Variants in CHRFAM7A observed in about 807,000 individuals in gnomAD.
CHRFAM7A encodes CHRNA7-FAM7A fusion protein.
A neutral mutation model predicts 29.2 loss-of-function variants in CHRFAM7A; 3 were observed. The observed-to-expected ratio is 0.10, with a 90% CI of 0.05 to 0.27. The LOEUF (loss-of-function observed/expected upper bound fraction) is 0.27, where lower values mean the gene tolerates loss of function less well. CHRFAM7A is among the 10% of genes least tolerant of loss of function. CHRFAM7A has a pLI of 1.00. For synonymous variants in CHRFAM7A, 7 were observed against 135.4 expected, an observed-to-expected ratio of 0.05 and a Z score of 6.58; for missense variants, 22 against 328.0, an observed-to-expected ratio of 0.07 and a Z score of 7.21.
chr15:30,371,589 T>A (rs1371368606), intron 7 of CHRFAM7A, among the ~76,000 whole-genome samples: 1 of 149,968 alleles, frequency 6.7e-6, no homozygotes, highest in East Asian at 1.9e-4. Flanking sequence ...TGACCTTAGA[T>A]ACAACATTCA....
At chr15:30,378,030 TG>T (rs1477969169) in intron 4 of CHRFAM7A, among the ~76,000 whole-genome samples, 2 of 72,254 alleles carry the variant, frequency 2.8e-5, no homozygotes, top group African/African-American at 1.2e-4. Context: ...ATTGATACAA[TG>T]TTTTTTTAAG....
intron 5 of CHRFAM7A, among the ~76,000 whole-genome samples, chr15:30,376,355 C>G (rs1359614145): frequency 7.2e-6 from 1 of 138,144 alleles, no homozygotes; most frequent in African/African-American, 2.8e-5. Context: ...GATCAAAAAC[C>G]CCAGCTGTTC....
intron 1 of CHRFAM7A, among the ~76,000 whole-genome samples, chr15:30,389,507 C>T (rs1341769106): frequency 1.7e-4 from 1 of 5,982 alleles, no homozygotes; most frequent in African/African-American, 3.6e-4. Context: ...CTCAGCTCAC[C>T]GCAACCTCCG....
At chr15:30,375,756 A>G (rs1427607045) in intron 5 of CHRFAM7A, among the ~76,000 whole-genome samples, 1 of 133,996 alleles carries the variant, frequency 7.5e-6, no homozygotes, top group East Asian at 2.3e-4. Context: ...TGTGGGTGGT[A>G]TATTTGTGTG....
Position 30,374,534 on chromosome 15 carries a change from G to A in CHRFAM7A, c.161-1389C>T, listed in dbSNP as rs1192850880. 4.1e-5 allele frequency among the ~76,000 whole-genome samples: 6 copies of A among 145,758 alleles called. 2 individuals are homozygous for A. Among genetic ancestry groups the A allele is most frequent in the East Asian group, 4.0e-4 (2 of 4,950 alleles). On this transcript the variant is annotated intron_variant, in intron 5 of 9. Transcript: ENST00000299847. ...TGTAACTTCATGAGCCCATTTCTAC[G>A]AAATAATGGCCCGAGACAGAGAATT...
At chr15:30,367,577 C>G (rs1471695609) in intron 8 of CHRFAM7A, 50 bp from the exon 9 acceptor site, 1 of 1,574,260 alleles carries the variant, frequency 6.4e-7, no homozygotes, top group African/African-American at 1.4e-5. Flanking sequence ...TGTGGCACTG[C>G]ACGTCACAGG....
At position 30,371,172 on chromosome 15, in the gene CHRFAM7A, A is replaced by ATTT; in HGVS notation, c.535_536insAAA (p.Leu179delinsTer). The stretch of plus-strand genomic sequence containing the variant: ...CAGCATGAAGACGGTAAGAGAGAGT[A>ATTT]AGACTGTTATCCCTAAAACATAAAC... On this transcript the variant is annotated stop_gained, in exon 8 of 10. Coordinates refer to ENST00000299847, the MANE Select transcript of CHRFAM7A (RefSeq NM_139320.2). LOFTEE classifies it high-confidence loss of function. The ATTT allele has an allele frequency of 6.7e-7, 1 of 1,500,660 alleles. No individual in the cohort carries two copies. Among genetic ancestry groups the ATTT allele is most frequent in the Middle Eastern group, 1.7e-4 (1 of 5,770 alleles). 93.0% of individuals were successfully genotyped at this position (1,500,660 alleles called of 1,614,324 possible).
chr15:30,376,169 AGTG>A (rs1224536338), intron 5 of CHRFAM7A, among the ~76,000 whole-genome samples: 1 of 134,980 alleles, frequency 7.4e-6, no homozygotes, highest in Non-Finnish European at 1.6e-5. Flanking sequence ...GTGAGGGGTG[AGTG>A]GTGTGTGGTA....
chr15:30,376,406 C>T (rs1407973714), intron 5 of CHRFAM7A, among the ~76,000 whole-genome samples: 1 of 99,800 alleles, frequency 1.0e-5, no homozygotes, highest in Non-Finnish European at 2.1e-5. Context: ...CACCTTTAGG[C>T]CATAAACCCA....
chr15:30,363,344 T>C (rs1335548504), intron 9 of CHRFAM7A, among the ~76,000 whole-genome samples: 4 of 147,740 alleles, frequency 2.7e-5, no homozygotes. Context: ...GATTACCACA[T>C]CTCTTGTGAT....
intron 8 of CHRFAM7A, 67 bp from the exon 9 acceptor site, chr15:30,367,594 A>G (rs2058806152): frequency 1.3e-6 from 2 of 1,550,376 alleles, no homozygotes; most frequent in Admixed American, 3.6e-5. Context: ...CAGGACAGGC[A>G]CACCCTGATC....
intron 7 of CHRFAM7A, among the ~76,000 whole-genome samples, chr15:30,371,557 G>A (rs1274956703): frequency 1.3e-5 from 2 of 149,932 alleles, no homozygotes; most frequent in African/African-American, 2.5e-5. Context: ...CAGGTCTTAC[G>A]TTTGCTACTC....
chr15:30,371,556 CG>C (rs2058858209), intron 7 of CHRFAM7A, among the ~76,000 whole-genome samples: 1 of 149,928 alleles, frequency 6.7e-6, no homozygotes, highest in Non-Finnish European at 1.5e-5. Flanking sequence ...TCAGGTCTTA[CG>C]TTTGCTACTC....
At chr15:30,373,611 G>A (rs1469036098) in intron 5 of CHRFAM7A, among the ~76,000 whole-genome samples, 2 of 119,346 alleles carry the variant, frequency 1.7e-5, no homozygotes, top group East Asian at 2.1e-4. Context: ...CATGATTATC[G>A]AGAAATACAA....
At chr15:30,370,815 A>G (rs1185208507) in intron 8 of CHRFAM7A, among the ~76,000 whole-genome samples, 1 of 143,802 alleles carries the variant, frequency 7.0e-6, no homozygotes, top group African/African-American at 2.7e-5. Flanking sequence ...AAAATGATGC[A>G]TCTCTAACGA....
upstream of CHRFAM7A, chr15:30,393,879 GTGTGTCTA>G (rs1476235756): frequency 0.044 from 2,707 of 61,104 alleles, 182 homozygotes; most frequent in South Asian, 0.11. Flanking sequence ...GTGTGTGTGT[GTGTGTCTA>G]TGTGTGTGTG....
At chr15:30,376,194 C>CTGTG (rs77571101) in intron 5 of CHRFAM7A, among the ~76,000 whole-genome samples, 130,893 of 136,178 alleles carry the variant, frequency 0.96, 62,820 homozygotes, top group Non-Finnish European at 1. Context: ...GTGTGAGTGG[C>CTGTG]TGTGAGTGGT....
At chr15:30,369,273 G>A (rs1473988655) in intron 8 of CHRFAM7A, among the ~76,000 whole-genome samples, 1 of 149,982 alleles carries the variant, frequency 6.7e-6, no homozygotes, top group Non-Finnish European at 1.5e-5. Flanking sequence ...AGAAATAAAT[G>A]TCTGTTGCTT....
chr15:30,374,779 T>C (rs2058904449), intron 5 of CHRFAM7A, among the ~76,000 whole-genome samples: 2 of 126,856 alleles, frequency 1.6e-5, no homozygotes, highest in South Asian at 5.8e-4. Flanking sequence ...AATAAACACA[T>C]GAAATGGGGG....
Sources: allele counts gnomAD v4.1 joint callset (sites outside exome capture counted in the v4.1 genomes callset), GRCh38; gene constraint gnomAD v4.1.1; transcripts MANE v1.5; gene names NCBI Gene and HGNC (gene_info 2026-07-23, HGNC 2026-07-21).